GPC5: variants seen among roughly 807,000 people sequenced by gnomAD.
GPC5 encodes glypican-5.
Under a neutral mutation model 53.9 loss-of-function variants are expected in GPC5, and 47 were observed. The ratio of observed to expected loss-of-function variants is 0.87; its 90% confidence interval spans 0.69 to 1.11. GPC5 has a LOEUF of 1.11. GPC5 is among the 50% of genes most tolerant of loss of function. The probability of loss-of-function intolerance (pLI) is 0.00; values close to 1 mark genes in which losing one functional copy is unlikely to be tolerated. For missense variants in GPC5, 748 were observed against 713.1 expected, an observed-to-expected ratio of 1.05 and a Z score of -0.56; for synonymous variants, 286 against 263.3, an observed-to-expected ratio of 1.09 and a Z score of -0.84.
At chr13:91,464,194 A>T (rs934559183) in intron 2 of GPC5, among the ~76,000 whole-genome samples, 1 of 152,120 alleles carries the variant, frequency 6.6e-6, no homozygotes, top group Non-Finnish European at 1.5e-5. Context: ...ACTACACCCT[A>T]TCAAGTATGG....
chr13:92,287,249 A>G (rs1417470455), intron 7 of GPC5, among the ~76,000 whole-genome samples: 2 of 152,218 alleles, frequency 1.3e-5, no homozygotes, highest in Non-Finnish European at 2.9e-5. Context: ...GTCTTTAAAC[A>G]TATCTTGAAA....
intron 2 of GPC5, among the ~76,000 whole-genome samples, chr13:91,590,605 A>C (rs1044879721): frequency 1.3e-5 from 2 of 152,194 alleles, no homozygotes; most frequent in Admixed American, 6.5e-5. Flanking sequence ...AATAAAAATT[A>C]AGCAAATTTA....
chr13:92,864,671 T>TA (rs1162743543), intron 7 of GPC5, among the ~76,000 whole-genome samples: 2 of 151,514 alleles, frequency 1.3e-5, no homozygotes, highest in Admixed American at 1.3e-4. Context: ...AGTCCCTATT[T>TA]AAAAAAAATA....
At chr13:92,235,168 T>A (rs2042560994) in intron 7 of GPC5, among the ~76,000 whole-genome samples, 1 of 152,172 alleles carries the variant, frequency 6.6e-6, no homozygotes, top group African/African-American at 2.4e-5. Flanking sequence ...GGTTATTATT[T>A]TACTTACTCC....
intron 5 of GPC5, among the ~76,000 whole-genome samples, chr13:91,882,884 T>C (rs2039282663): frequency 6.6e-6 from 1 of 152,140 alleles, no homozygotes; most frequent in African/African-American, 2.4e-5. Context: ...TACAAATAAA[T>C]AAATCAGGAA....
At chr13:91,958,660 A>C (rs578191323) in intron 6 of GPC5, among the ~76,000 whole-genome samples, 4 of 152,066 alleles carry the variant, frequency 2.6e-5, no homozygotes, top group Non-Finnish European at 5.9e-5. Context: ...AATTTTAAAA[A>C]TCAAAATCCT....
chr13:92,387,411 T>C (rs1377532511), intron 7 of GPC5, among the ~76,000 whole-genome samples: 2 of 152,036 alleles, frequency 1.3e-5, no homozygotes, highest in Admixed American at 1.3e-4. Context: ...AACCTCATCG[T>C]AAGTTGAGGA....
At chr13:92,578,532 G>A (rs1280847311) in intron 7 of GPC5, among the ~76,000 whole-genome samples, 1 of 152,166 alleles carries the variant, frequency 6.6e-6, no homozygotes, top group African/African-American at 2.4e-5. Flanking sequence ...GAAGTCTGTA[G>A]CGTAATGCGG....
intron 7 of GPC5, among the ~76,000 whole-genome samples, chr13:92,328,300 G>A (rs2043265742): frequency 6.6e-6 from 1 of 152,136 alleles, no homozygotes; most frequent in African/African-American, 2.4e-5. Context: ...CTGGAGGACT[G>A]CAAAACACAA....
intron 6 of GPC5, among the ~76,000 whole-genome samples, chr13:92,035,768 C>G (rs9523487): frequency 6.9e-6 from 1 of 144,292 alleles, no homozygotes; most frequent in East Asian, 2.0e-4. Context: ...AAAAAAAAAA[C>G]AAAAAAAACA....
intron 2 of GPC5, among the ~76,000 whole-genome samples, chr13:91,578,957 G>T (rs1169850952): frequency 6.6e-6 from 1 of 151,938 alleles, no homozygotes; most frequent in East Asian, 1.9e-4. Context: ...GAGGTGGGAG[G>T]ATTGCTTGAG....
intron 7 of GPC5, among the ~76,000 whole-genome samples, chr13:92,700,151 T>G (rs1398255884): frequency 6.6e-6 from 1 of 152,302 alleles, no homozygotes; most frequent in East Asian, 1.9e-4. Flanking sequence ...TAATTCTTCT[T>G]GTTGCATTGA....
intron 6 of GPC5, among the ~76,000 whole-genome samples, chr13:92,096,466 T>C (rs2041423019): frequency 6.6e-6 from 1 of 152,184 alleles, no homozygotes; most frequent in African/African-American, 2.4e-5. Flanking sequence ...GCTGTGTATA[T>C]ATAGGTTACA....
In GPC5 at chr13:91,845,601, AC is replaced by A; in HGVS notation, c.1281-62334del. On this transcript the variant is annotated intron_variant, in intron 5 of 7. Transcript: ENST00000377067. Reference sequence around the variant, plus strand: ...TCATGAGTAAATATAGTTTGCTATAACCAGGAAGGCACAGACAAGGGCTTTT... The same window carrying A: ...TCATGAGTAAATATAGTTTGCTATAACAGGAAGGCACAGACAAGGGCTTTT... Among the ~76,000 whole-genome samples, 3 of 152,292 alleles carry A rather than the reference AC, an allele frequency of 2.0e-5. No homozygotes were observed. The East Asian group carries it at 5.8e-4, about 29-fold the overall frequency.
chr13:91,549,589 G>A (rs2030504066), intron 2 of GPC5, among the ~76,000 whole-genome samples: 1 of 152,154 alleles, frequency 6.6e-6, no homozygotes, highest in African/African-American at 2.4e-5. Flanking sequence ...CTGATTAAAA[G>A]TGGGCCAAAG....
chr13:91,828,111 T>G (rs923879821), intron 5 of GPC5, among the ~76,000 whole-genome samples: 7 of 152,092 alleles, frequency 4.6e-5, no homozygotes, highest in East Asian at 3.9e-4. Context: ...TACTTAATAT[T>G]GAAATCTAAT....
At chr13:91,819,756 C>A (rs2038461102) in intron 5 of GPC5, among the ~76,000 whole-genome samples, 1 of 152,104 alleles carries the variant, frequency 6.6e-6, no homozygotes, top group African/African-American at 2.4e-5. Flanking sequence ...CTCTGCAATG[C>A]ATACTGAGGA....
intron 7 of GPC5, among the ~76,000 whole-genome samples, chr13:92,475,610 C>T (rs1042965282): frequency 2.0e-5 from 3 of 151,990 alleles, no homozygotes; most frequent in African/African-American, 7.2e-5. Flanking sequence ...TGGGCTGAGA[C>T]AAAGCACACT....
intron 2 of GPC5, among the ~76,000 whole-genome samples, chr13:91,496,443 A>T (rs1245435243): frequency 6.6e-6 from 1 of 152,254 alleles, no homozygotes; most frequent in Non-Finnish European, 1.5e-5. Flanking sequence ...AGCACTATTC[A>T]ACCATAAAAA....
Sources: gnomAD v4.1 joint callset for allele counts (sites outside exome capture counted in the v4.1 genomes callset) on GRCh38, gnomAD v4.1.1 for gene constraint, MANE v1.5 for transcripts, NCBI Gene and HGNC (gene_info 2026-07-23, HGNC 2026-07-21) for gene names.